The following CREB1 variants were observed in gnomAD, a reference collection of about 807,000 sequenced individuals.
CREB1 encodes cyclic AMP-responsive element-binding protein 1.
In CREB1, 2 loss-of-function variants were observed where a neutral mutation model predicts 42.0. That is an observed-to-expected ratio of 0.05 (90% CI 0.02 to 0.15). The LOEUF (loss-of-function observed/expected upper bound fraction) is 0.15, where lower values mean the gene tolerates loss of function less well. Among genes scored for constraint, CREB1 ranks in the 10% least tolerant of loss-of-function variants. The probability of loss-of-function intolerance (pLI) is 1.00; values close to 1 mark genes in which losing one functional copy is unlikely to be tolerated. For missense variants in CREB1, 199 were observed against 388.9 expected (o/e 0.51, Z 4.11); for synonymous variants, 123 against 139.9 (o/e 0.88, Z 0.85).
chr2:207,587,983 G>A (rs2084199412), intron 7 of CREB1, among the ~76,000 whole-genome samples: 1 of 152,178 alleles, frequency 6.6e-6, no homozygotes. Context: ...TAAGTTTGAG[G>A]TGATGGATAT....
chr2:207,545,707 G>C (rs1362968385), intron 1 of CREB1, among the ~76,000 whole-genome samples: 1 of 150,916 alleles, frequency 6.6e-6, no homozygotes, highest in Non-Finnish European at 1.5e-5. Flanking sequence ...TCTCTTTAGA[G>C]TTGTACAGAT....
intron 6 of CREB1, chr2:207,577,209 A>C: frequency 9.0e-7 from 1 of 1,117,300 alleles, no homozygotes; most frequent in Non-Finnish European, 1.1e-6. Flanking sequence ...TGCCCCACTT[A>C]CCTTTTAGAC....
chr2:207,573,142 T>C (rs901109551), intron 5 of CREB1, among the ~76,000 whole-genome samples: 1 of 152,234 alleles, frequency 6.6e-6, no homozygotes, highest in African/African-American at 2.4e-5. Flanking sequence ...TATTCTTTTC[T>C]TAGTCTAGAT....
At chr2:207,593,452 C>G (rs1368437900) in intron 7 of CREB1, among the ~76,000 whole-genome samples, 1 of 152,136 alleles carries the variant, frequency 6.6e-6, no homozygotes, top group African/African-American at 2.4e-5. Flanking sequence ...ATCACTTGAG[C>G]CTGGGAGGTC....
chr2:207,557,600 T>C, intron 2 of CREB1, among the ~76,000 whole-genome samples: 1 of 151,680 alleles, frequency 6.6e-6, no homozygotes, highest in East Asian at 2.0e-4. Context: ...GAGAATGTCA[T>C]GAACCCGAGA....
At chr2:207,590,853 A>C (rs562081679) in intron 7 of CREB1, among the ~76,000 whole-genome samples, 1 of 152,272 alleles carries the variant, frequency 6.6e-6, no homozygotes, top group Admixed American at 6.5e-5. Context: ...TTCTAACATA[A>C]GTATTTAAGG....
At chr2:207,590,268 G>A (rs1021395364) in intron 7 of CREB1, among the ~76,000 whole-genome samples, 3 of 151,570 alleles carry the variant, frequency 2.0e-5, no homozygotes, top group African/African-American at 7.3e-5. Context: ...TGTCAGTAGG[G>A]ATGTCCCCCC....
At chr2:207,570,372 GA>G (rs752889040) in intron 5 of CREB1, 51 bp downstream of exon 5, 23 of 1,504,722 alleles carry the variant, frequency 1.5e-5, no homozygotes, top group Non-Finnish European at 2.1e-5. Flanking sequence ...AAAGTGAGGA[GA>G]AAAAGCTAAT....
intron 1 of CREB1, among the ~76,000 whole-genome samples, chr2:207,544,219 T>C (rs1439522907): frequency 1.3e-5 from 2 of 152,262 alleles, no homozygotes; most frequent in Non-Finnish European, 2.9e-5. Context: ...TTTTTCTTTT[T>C]AAGCAATATT....
At chr2:207,588,322 GCT>G (rs946709903) in intron 7 of CREB1, among the ~76,000 whole-genome samples, 3 of 151,954 alleles carry the variant, frequency 2.0e-5, no homozygotes. Flanking sequence ...AATTGCCCTT[GCT>G]CTTTTTTTCA....
chr2:207,571,815 CT>C lies in CREB1; in HGVS notation c.505+1497del, dbSNP rs1304117842. ...TCTCACTTGAACTAGGAAGCATGCT[CT>C]TTAGGAAAGAGGCCTATCAGAATCT... On this transcript the variant is annotated intron_variant, in intron 5 of 7. Transcript: ENST00000353267. 4 of 435,596 alleles carry C rather than the reference CT, an allele frequency of 9.2e-6. No homozygotes were observed. In the Admixed American group the frequency reaches 1.0e-4, roughly 11 times the overall value. The allele number at this position is 435,596 out of a possible 1,614,324, so 27.0% of individuals were successfully genotyped here.
chr2:207,533,895 A>G (rs972897488), intron 1 of CREB1, among the ~76,000 whole-genome samples: 3 of 152,164 alleles, frequency 2.0e-5, no homozygotes, highest in Non-Finnish European at 2.9e-5. Context: ...TACCCACCCT[A>G]AAGGAATTTT....
In CREB1 at chr2:207,602,760, A is replaced by G. The variant is rs542459960; in HGVS notation, c.*5702A>G. The G allele has an allele frequency of 2.3e-4, 50 of 213,658 alleles. No homozygotes were observed. The South Asian group carries it at 2.4e-3, about 10-fold the overall frequency. The allele number at this position is 213,658 out of a possible 1,614,324, so 13.2% of individuals were successfully genotyped here. A position where few individuals can be genotyped will look rare whatever the true frequency, so the allele number is the denominator to read the frequency against. ...ATGTAATAAAATTATTTATATTAAA[A>G]GTGGGAAATAATTGTCAACATTTTT... is the stretch of plus-strand genomic sequence containing the variant. On this transcript the variant is annotated 3_prime_UTR_variant, in exon 8 of 8. Coordinates refer to ENST00000353267, the MANE Select transcript of CREB1 (RefSeq NM_004379.5).
Position 207,600,156 on chromosome 2 carries a change from A to G in CREB1, c.*3098A>G, listed in dbSNP as rs2086785802. ...ATTCTTTTTCAAACTCAAGTACCAT[A>G]TTGGCAACCATAATATTGTCATAGG... On this transcript the variant is annotated 3_prime_UTR_variant, in exon 8 of 8. Transcript: ENST00000353267. 1 of 178,954 alleles carries G rather than the reference A, an allele frequency of 5.6e-6. No individual in the cohort carries two copies. Among genetic ancestry groups the G allele is most frequent in the African/African-American group, 2.4e-5 (1 of 42,104 alleles). 11.1% of individuals were successfully genotyped at this position (178,954 alleles called of 1,614,324 possible).
rs1005823104 is a variant in CREB1, at chr2:207,605,964, GAATTAA to G, written c.*8912_*8917del. On this transcript the variant is annotated 3_prime_UTR_variant, in exon 8 of 8. Coordinates refer to ENST00000353267, the MANE Select transcript of CREB1 (RefSeq NM_004379.5). ...TTTACAGTCTAGGCATTTTTTTCTG[GAATTAA>G]AATTAGAAGTGGCACAGACTTTCAT... Among the ~76,000 whole-genome samples, 16 of 152,006 alleles carry G rather than the reference GAATTAA, an allele frequency of 1.1e-4. No homozygotes were observed. Among genetic ancestry groups the G allele is most frequent in the East Asian group, 5.8e-4 (3 of 5,192 alleles).
intron 1 of CREB1, among the ~76,000 whole-genome samples, chr2:207,549,850 G>T (rs1400889087): frequency 6.6e-6 from 1 of 151,942 alleles, no homozygotes; most frequent in Non-Finnish European, 1.5e-5. Flanking sequence ...CACACCTGTA[G>T]TCCCAGCTAC....
chr2:207,547,011 T>C (rs1056925982), intron 1 of CREB1, among the ~76,000 whole-genome samples: 3 of 152,230 alleles, frequency 2.0e-5, no homozygotes, highest in African/African-American at 7.2e-5. Context: ...GAGGCTGTTA[T>C]AACCCTGAAG....
chr2:207,537,238 C>T (rs750493298), intron 1 of CREB1, among the ~76,000 whole-genome samples: 2 of 151,882 alleles, frequency 1.3e-5, no homozygotes, highest in Non-Finnish European at 2.9e-5. Context: ...AGGGTTTCAC[C>T]ATGTTGGCCA....
chr2:207,538,226 A>T (rs1054352511), intron 1 of CREB1, among the ~76,000 whole-genome samples: 7 of 151,820 alleles, frequency 4.6e-5, no homozygotes, highest in African/African-American at 1.7e-4. Flanking sequence ...TACCAGAAAG[A>T]TGTTAGCTTA....
Sources: allele counts gnomAD v4.1 joint callset (sites outside exome capture counted in the v4.1 genomes callset), GRCh38; gene constraint gnomAD v4.1.1; transcripts MANE v1.5; gene names NCBI Gene and HGNC (gene_info 2026-07-23, HGNC 2026-07-21).